Variants in ADGRL3 observed in about 807,000 individuals in gnomAD.
ADGRL3 encodes adhesion G protein-coupled receptor L3.
ADGRL3 carries 62 observed loss-of-function variants against 153.5 expected under a neutral mutation model. That is an observed-to-expected ratio of 0.40 (90% CI 0.33 to 0.50). The LOEUF is 0.50. ADGRL3 is among the 20% of genes least tolerant of loss of function. ADGRL3 has a pLI of 0.47. For missense variants in ADGRL3, 1,641 were observed against 1,859.4 expected (o/e 0.88, Z 2.16); for synonymous variants, 710 against 672.5 (o/e 1.06, Z -0.86).
chr4:61,817,343 A>G (rs1366623368), intron 9 of ADGRL3, among the ~76,000 whole-genome samples: 1 of 152,140 alleles, frequency 6.6e-6, no homozygotes, highest in Non-Finnish European at 1.5e-5. Context: ...TTGAGAACTT[A>G]TGGTCCTTTT....
chr4:61,508,492 A>T lies in ADGRL3; in HGVS notation c.56-8823A>T, dbSNP rs567028787. ...GTAAAAGCAGACTATTTATTCTTTT[A>T]TAAATACAGAGGTTTTTAAAAATTT... On this transcript the variant is annotated intron_variant, in intron 3 of 26. Transcript: ENST00000683033. 9.2e-5 allele frequency among the ~76,000 whole-genome samples: 14 copies of T among 152,302 alleles called. No homozygotes were observed. The South Asian group carries it at 2.9e-3, about 32-fold the overall frequency.
intron 9 of ADGRL3, among the ~76,000 whole-genome samples, chr4:61,863,986 A>G (rs2098375911): frequency 6.6e-6 from 1 of 152,214 alleles, no homozygotes; most frequent in African/African-American, 2.4e-5. Context: ...CTGCAAGAGA[A>G]TAAAAGGAAA....
chr4:61,755,599 G>A (rs1454923321), intron 8 of ADGRL3, among the ~76,000 whole-genome samples: 1 of 152,092 alleles, frequency 6.6e-6, no homozygotes, highest in Non-Finnish European at 1.5e-5. Flanking sequence ...AGTTTATTTT[G>A]CTGTGCAGAA....
chr4:61,367,064 T>G (rs568369342), intron 1 of ADGRL3, among the ~76,000 whole-genome samples: 3 of 152,308 alleles, frequency 2.0e-5, no homozygotes, highest in African/African-American at 7.2e-5. Flanking sequence ...TTTATGTAAT[T>G]TAATTTGTCA....
At chr4:61,927,707 A>T (rs2098800295) in intron 13 of ADGRL3, among the ~76,000 whole-genome samples, 1 of 152,172 alleles carries the variant, frequency 6.6e-6, no homozygotes, top group Non-Finnish European at 1.5e-5. Context: ...CTTGACCTTT[A>T]CATTTTGATT....
chr4:61,773,448 C>A (rs552436471), intron 8 of ADGRL3, among the ~76,000 whole-genome samples: 1 of 152,224 alleles, frequency 6.6e-6, no homozygotes, highest in South Asian at 2.1e-4. Flanking sequence ...CACCAGCAAC[C>A]TTTTATTCCT....
chr4:61,416,908 G>A (rs1370415559), intron 2 of ADGRL3, among the ~76,000 whole-genome samples: 3 of 152,150 alleles, frequency 2.0e-5, no homozygotes, highest in Admixed American at 1.3e-4. Context: ...TGGGAACCCT[G>A]AGCTTGTTTT....
intron 1 of ADGRL3, among the ~76,000 whole-genome samples, chr4:61,364,510 T>C (rs571776438): frequency 6.6e-6 from 1 of 152,196 alleles, no homozygotes; most frequent in Non-Finnish European, 1.5e-5. Context: ...AAACAAAACA[T>C]TGGCCTTACT....
intron 4 of ADGRL3, among the ~76,000 whole-genome samples, chr4:61,568,470 T>C (rs2098825453): frequency 6.6e-6 from 1 of 152,140 alleles, no homozygotes; most frequent in Non-Finnish European, 1.5e-5. Flanking sequence ...ACAGAAACTA[T>C]GCTTAATAAA....
chr4:62,028,946 G>A, intron 22 of ADGRL3, 65 bp downstream of exon 22: 2 of 1,386,606 alleles, frequency 1.4e-6, no homozygotes, highest in Admixed American at 2.0e-5. Context: ...CCAGCTGTCA[G>A]ATCAGTACTG....
intron 17 of ADGRL3, among the ~76,000 whole-genome samples, chr4:61,967,669 A>G (rs928112392): frequency 6.6e-6 from 1 of 152,228 alleles, no homozygotes; most frequent in Non-Finnish European, 1.5e-5. Flanking sequence ...CTTTGCATCT[A>G]TGAATTCATT....
chr4:61,747,620 C>G (rs1203675385), intron 8 of ADGRL3, among the ~76,000 whole-genome samples: 1 of 145,758 alleles, frequency 6.9e-6, no homozygotes, highest in South Asian at 2.2e-4. Flanking sequence ...ATGATTATCT[C>G]AATAGATGCA....
intron 1 of ADGRL3, among the ~76,000 whole-genome samples, chr4:61,300,094 G>A (rs1427694564): frequency 6.6e-6 from 1 of 151,964 alleles, no homozygotes; most frequent in East Asian, 1.9e-4. Flanking sequence ...TTTACTTATT[G>A]AGATGATTAA....
intron 6 of ADGRL3, among the ~76,000 whole-genome samples, chr4:61,730,222 A>G (rs765949119): frequency 6.6e-6 from 1 of 151,896 alleles, no homozygotes; most frequent in Non-Finnish European, 1.5e-5. Flanking sequence ...AGTGGTATAA[A>G]CTATAATATT....
intron 21 of ADGRL3, among the ~76,000 whole-genome samples, chr4:62,010,716 A>G (rs1290733075): frequency 1.3e-5 from 2 of 151,864 alleles, no homozygotes; most frequent in Non-Finnish European, 2.9e-5. Context: ...GGAACATTTA[A>G]TTATTGTAAT....
chr4:61,684,651 A>G (rs2151028237), intron 6 of ADGRL3, among the ~76,000 whole-genome samples: 1 of 152,136 alleles, frequency 6.6e-6, no homozygotes, highest in South Asian at 2.1e-4. Flanking sequence ...AAACACCTAA[A>G]AGTCAGATTT....
chr4:61,871,831 T>C (rs1308168269), intron 9 of ADGRL3, among the ~76,000 whole-genome samples: 2 of 152,212 alleles, frequency 1.3e-5, no homozygotes, highest in Admixed American at 6.5e-5. Flanking sequence ...GGCATATTCT[T>C]TTCTCTTGCT....
intron 2 of ADGRL3, among the ~76,000 whole-genome samples, chr4:61,404,628 T>G (rs530474601): frequency 6.6e-6 from 1 of 152,210 alleles, no homozygotes; most frequent in Non-Finnish European, 1.5e-5. Flanking sequence ...ACTCTTTAAA[T>G]ATGTCAATTT....
chr4:61,415,700 C>T (rs1016765645), intron 2 of ADGRL3, among the ~76,000 whole-genome samples: 6 of 151,298 alleles, frequency 4.0e-5, no homozygotes, highest in African/African-American at 1.2e-4. Flanking sequence ...TCTCTTCTTC[C>T]TTTTTTGTTT....
Sources: gnomAD v4.1 joint callset for allele counts (sites outside exome capture counted in the v4.1 genomes callset) on GRCh38, gnomAD v4.1.1 for gene constraint, MANE v1.5 for transcripts, NCBI Gene and HGNC (gene_info 2026-07-23, HGNC 2026-07-21) for gene names.